The following FLT1 variants were observed in gnomAD, a reference collection of about 807,000 sequenced individuals.
FLT1 encodes the protein vascular endothelial growth factor receptor 1.
A neutral mutation model predicts 156.3 loss-of-function variants in FLT1; 49 were observed. That is an observed-to-expected ratio of 0.31 (90% CI 0.25 to 0.40). The LOEUF (loss-of-function observed/expected upper bound fraction) is 0.40, where lower values mean the gene tolerates loss of function less well. Among genes scored for constraint, FLT1 ranks in the 10% least tolerant of loss-of-function variants. FLT1 has a pLI of 1.00. For missense variants in FLT1, 1,322 were observed against 1,637.2 expected (o/e 0.81, Z 3.32); for synonymous variants, 594 against 583.8 (o/e 1.02, Z -0.25).
At chr13:28,469,648 T>C (rs1039238533) in intron 1 of FLT1, among the ~76,000 whole-genome samples, 4 of 152,242 alleles carry the variant, frequency 2.6e-5, no homozygotes, top group Non-Finnish European at 5.9e-5. Flanking sequence ...CCCCTCCCCC[T>C]GCTTCTGTCA....
intron 15 of FLT1, among the ~76,000 whole-genome samples, chr13:28,353,343 C>T (rs374435256): frequency 1.1e-4 from 17 of 152,064 alleles, no homozygotes; most frequent in East Asian, 3.9e-4. Flanking sequence ...GAGGCCGAGG[C>T]GGGTGGATTA....
In FLT1 at chr13:28,412,330, T is replaced by TTTTCTTTC. The variant is rs1555236468; in HGVS notation, c.1437-6444_1437-6437dup. Among the ~76,000 whole-genome samples, 88 of 92,608 alleles carry TTTTCTTTC rather than the reference T, an allele frequency of 9.5e-4. 7 individuals are homozygous for TTTTCTTTC. The highest frequency in any genetic ancestry group is 5.0e-3 in the Middle Eastern group (1 of 202). The allele number at this position is 92,608 out of a possible 152,430, so 60.8% of individuals were successfully genotyped here. A position where few individuals can be genotyped will look rare whatever the true frequency, so the allele number is the denominator to read the frequency against. On this transcript the variant is annotated intron_variant, in intron 10 of 29. Coordinates refer to ENST00000282397, the MANE Select transcript of FLT1 (RefSeq NM_002019.4). ...TTCTCTTTCTTTCTTTCTTTCTTTC[T>TTTTCTTTC]TTTCTTTCTTTCTTTCTTTCTCTTT... is the stretch of plus-strand genomic sequence containing the variant.
rs746504344 is a variant in FLT1, at chr13:28,345,475, T to C, written c.2325A>G (p.Leu775=). ...TCVAATLFWL[L]LTLFIRKMKR... is the part of the protein sequence containing the mutation. Reference sequence around the variant, plus strand: ...TCATTTTTCGGATAAAGAGGGTTAATAGGAGCCAGAAGAGAGTCGCAGCCA... The same window carrying C: ...TCATTTTTCGGATAAAGAGGGTTAACAGGAGCCAGAAGAGAGTCGCAGCCA... Residue 775 remains leucine (L), a synonymous_variant, in exon 16 of 30, where the codon CTA becomes CTG. Coordinates refer to ENST00000282397, the MANE Select transcript of FLT1 (RefSeq NM_002019.4). 4 of 1,612,046 alleles carry C rather than the reference T, an allele frequency of 2.5e-6. No homozygotes were observed. Among genetic ancestry groups the C allele is most frequent in the African/African-American group, 1.3e-5 (1 of 74,862 alleles).
chr13:28,447,618 A>G (rs145987571), intron 3 of FLT1, among the ~76,000 whole-genome samples: 2 of 152,282 alleles, frequency 1.3e-5, no homozygotes, highest in East Asian at 3.9e-4. Flanking sequence ...AAAATTTGAA[A>G]CTTGCATGCT....
intron 3 of FLT1, among the ~76,000 whole-genome samples, chr13:28,455,514 T>A (rs913973432): frequency 6.6e-6 from 1 of 152,126 alleles, no homozygotes; most frequent in Non-Finnish European, 1.5e-5. Flanking sequence ...GAGACCTAAA[T>A]GTAAAATGCG....
At chr13:28,360,218 A>G (rs1165987216) in intron 14 of FLT1, among the ~76,000 whole-genome samples, 1 of 152,214 alleles carries the variant, frequency 6.6e-6, no homozygotes, top group East Asian at 1.9e-4. Flanking sequence ...AAAGAAGGGA[A>G]CCCTTATACA....
chr13:28,428,785 G>T (rs1234272390), intron 8 of FLT1, among the ~76,000 whole-genome samples: 1 of 152,100 alleles, frequency 6.6e-6, no homozygotes, highest in Non-Finnish European at 1.5e-5. Flanking sequence ...CTGTATAAAG[G>T]TTTAATATTG....
chr13:28,469,054 C>A (rs529551225), intron 1 of FLT1, among the ~76,000 whole-genome samples: 1 of 152,142 alleles, frequency 6.6e-6, no homozygotes, highest in Non-Finnish European at 1.5e-5. Context: ...TCTCCCTCTT[C>A]TTCACCAGCC....
intron 10 of FLT1, among the ~76,000 whole-genome samples, chr13:28,414,400 C>T (rs8002951): frequency 0.28 from 43,288 of 152,014 alleles, 6,527 homozygotes; most frequent in East Asian, 0.48. Flanking sequence ...TTAGCATAGC[C>T]AACTCAAAAA....
chr13:28,302,618 A>G lies in FLT1; in HGVS notation c.*549T>C. 1 of 235,210 alleles carries G rather than the reference A, an allele frequency of 4.3e-6. No individual in the cohort carries two copies. The highest frequency in any genetic ancestry group is 8.4e-6 in the Non-Finnish European group (1 of 119,432). 14.6% of individuals were successfully genotyped at this position (235,210 alleles called of 1,614,324 possible). Reference sequence around the variant, plus strand: ...GAGCCCCGTCCCCCTCCGTGCCCACATGGTGCGTCTCAAATTCTTTCTCAT... The same window carrying G: ...GAGCCCCGTCCCCCTCCGTGCCCACGTGGTGCGTCTCAAATTCTTTCTCAT... On this transcript the variant is annotated 3_prime_UTR_variant, in exon 30 of 30. Coordinates refer to ENST00000282397, the MANE Select transcript of FLT1 (RefSeq NM_002019.4).
chr13:28,317,705 G>A (rs1871262768), intron 24 of FLT1, 108 bp from the exon 25 acceptor site: 1 of 748,712 alleles, frequency 1.3e-6, no homozygotes, highest in South Asian at 1.4e-5. Context: ...CTACGTTTTA[G>A]TAATAAATTC....
At chr13:28,314,563 T>G (rs1394967983) in intron 25 of FLT1, among the ~76,000 whole-genome samples, 1 of 152,202 alleles carries the variant, frequency 6.6e-6, no homozygotes, top group African/African-American at 2.4e-5. Flanking sequence ...AAGCTGGGGA[T>G]GAGGGGCCCC....
intron 28 of FLT1, among the ~76,000 whole-genome samples, chr13:28,308,148 G>T (rs1310899181): frequency 6.6e-6 from 1 of 152,186 alleles, no homozygotes; most frequent in Non-Finnish European, 1.5e-5. Context: ...GACTCAGTGG[G>T]TGTGGGCAGG....
chr13:28,334,811 G>T (rs1440937698), intron 17 of FLT1, among the ~76,000 whole-genome samples: 1 of 152,140 alleles, frequency 6.6e-6, no homozygotes, highest in Non-Finnish European at 1.5e-5. Context: ...TCCCCATAAT[G>T]CTATGCTATA....
At chr13:28,434,289 G>T in intron 4 of FLT1, 69 bp from the exon 5 acceptor site, 2 of 1,418,700 alleles carry the variant, frequency 1.4e-6, no homozygotes, top group Non-Finnish European at 9.9e-7. Flanking sequence ...TTCACCAGCA[G>T]TTTGTGAAAA....
intron 25 of FLT1, among the ~76,000 whole-genome samples, chr13:28,314,399 G>GA (rs1004678433): frequency 1.8e-4 from 27 of 147,068 alleles, no homozygotes; most frequent in South Asian, 6.4e-4. Flanking sequence ...CAAATGAAAA[G>GA]AAAAAAAAAA....
intron 11 of FLT1, among the ~76,000 whole-genome samples, chr13:28,405,151 CT>C (rs1185186220): frequency 6.6e-6 from 1 of 152,094 alleles, no homozygotes; most frequent in East Asian, 1.9e-4. Flanking sequence ...ACTTGCCTAG[CT>C]GACAGGCTTG....
intron 1 of FLT1, among the ~76,000 whole-genome samples, chr13:28,490,137 G>A (rs1243814276): frequency 6.6e-6 from 1 of 152,144 alleles, no homozygotes; most frequent in Non-Finnish European, 1.5e-5. Flanking sequence ...AACAGCACTG[G>A]CCTCCTCTGG....
rs1048143217 is a variant in FLT1, at chr13:28,308,745, C to T, written c.3720+98G>A. The T allele has an allele frequency of 1.1e-5, 9 of 804,328 alleles. No homozygotes were observed. The East Asian group carries it at 1.8e-4, about 16-fold the overall frequency. The allele number at this position is 804,328 out of a possible 1,614,324, so 49.8% of individuals were successfully genotyped here. On this transcript the variant is annotated intron_variant, in intron 28 of 29. Transcript: ENST00000282397. ...AGCCACTCCTGAATCCAGACCCTCA[C>T]TGACCAAGAACTACTACATTACTGG...
Sources: allele counts gnomAD v4.1 joint callset (sites outside exome capture counted in the v4.1 genomes callset), GRCh38; gene constraint gnomAD v4.1.1; transcripts MANE v1.5; gene names NCBI Gene and HGNC (gene_info 2026-07-23, HGNC 2026-07-21).